Variants in GPR158 observed in about 807,000 individuals in gnomAD.
GPR158 encodes G protein-coupled receptor 158.
In GPR158, 30 loss-of-function variants were observed where a neutral mutation model predicts 78.2. The ratio of observed to expected loss-of-function variants is 0.38; its 90% CI spans 0.29 to 0.52. GPR158 has a LOEUF of 0.52. Among genes scored for constraint, GPR158 ranks in the 20% least tolerant of loss-of-function variants. The probability of loss-of-function intolerance (pLI) is 0.83; values close to 1 mark genes in which losing one functional copy is unlikely to be tolerated. For synonymous variants in GPR158, 581 were observed against 591.1 expected, an observed-to-expected ratio of 0.98 and a Z score of 0.25; for missense variants, 1,463 against 1,523.5, an observed-to-expected ratio of 0.96 and a Z score of 0.66.
rs772460818 is a variant in GPR158, at chr10:25,588,835, T to C, written c.1754-172T>C. 2.0e-5 allele frequency among the ~76,000 whole-genome samples: 3 copies of C among 152,210 alleles called. No homozygotes were observed. The East Asian group carries it at 5.8e-4, about 29-fold the overall frequency. ...AGTGTACCCTTTGAAAAATATTCCA[T>C]AAACTGAATGAAATTTAAAAATATA... On this transcript the variant is annotated intron_variant, in intron 7 of 10. Coordinates refer to ENST00000376351, the MANE Select transcript of GPR158 (RefSeq NM_020752.3).
chr10:25,574,724 AAAATAC>A (rs1320179115), intron 7 of GPR158, among the ~76,000 whole-genome samples: 1 of 152,096 alleles, frequency 6.6e-6, no homozygotes, highest in Middle Eastern at 3.2e-3. Context: ...GTCTCTACTA[AAAATAC>A]AAAAATTAGC....
chr10:25,344,419 ACTCTCTT>A (rs1402118069), intron 2 of GPR158, among the ~76,000 whole-genome samples: 9 of 151,852 alleles, frequency 5.9e-5, no homozygotes, highest in East Asian at 3.9e-4. Context: ...CTTAAAATCT[ACTCTCTT>A]AGCAATGTTC....
intron 2 of GPR158, among the ~76,000 whole-genome samples, chr10:25,286,101 CTA>C (rs1208268399): frequency 1.6e-4 from 25 of 151,858 alleles, no homozygotes; most frequent in African/African-American, 5.3e-4. Context: ...TATGATATGC[CTA>C]TATGTGTGTG....
intron 3 of GPR158, among the ~76,000 whole-genome samples, chr10:25,408,792 G>A (rs534678828): frequency 6.6e-6 from 1 of 151,902 alleles, no homozygotes; most frequent in Non-Finnish European, 1.5e-5. Flanking sequence ...TACCCATTGC[G>A]ATCACCATGT....
intron 5 of GPR158, among the ~76,000 whole-genome samples, chr10:25,481,240 G>T (rs1835660605): frequency 6.6e-6 from 1 of 152,100 alleles, no homozygotes; most frequent in South Asian, 2.1e-4. Context: ...TTCCTGCTGG[G>T]AGTTCCAGTT....
At chr10:25,572,936 A>G (rs915472837) in intron 7 of GPR158, 49 bp downstream of exon 7, 1 of 1,061,168 alleles carries the variant, frequency 9.4e-7, no homozygotes, top group Non-Finnish European at 1.5e-6. Flanking sequence ...TTTCAGTAGC[A>G]TTACAACTGA....
chr10:25,572,872 T>C lies in GPR158; in HGVS notation c.1738T>C (p.Tyr580His). The C allele has an allele frequency of 6.3e-7, 1 of 1,591,494 alleles. No homozygotes were observed. The highest frequency in any genetic ancestry group is 8.6e-7 in the Non-Finnish European group (1 of 1,159,380). ...TATGTGCCTCATTGACCGCTGGGAC[T>C]ACATGACAGCAGTTGGTATGTGGTC... Reference protein sequence around the residue: ...FNMCLIDRWDYMTAVAEFLFL... With the variant: ...FNMCLIDRWDHMTAVAEFLFL... Residue 580 changes from tyrosine (Y) to histidine (H), a missense_variant, in exon 7 of 11, where the codon TAC becomes CAC. Coordinates refer to ENST00000376351, the MANE Select transcript of GPR158 (RefSeq NM_020752.3).
chr10:25,483,321 C>G (rs1835684753), intron 5 of GPR158, among the ~76,000 whole-genome samples: 1 of 152,060 alleles, frequency 6.6e-6, no homozygotes, highest in African/African-American at 2.4e-5. Flanking sequence ...TGTTCTCAAA[C>G]CGACCAGGCA....
chr10:25,426,418 A>G (rs944568046), intron 4 of GPR158, among the ~76,000 whole-genome samples: 1 of 152,140 alleles, frequency 6.6e-6, no homozygotes, highest in African/African-American at 2.4e-5. Context: ...TCAGCTTTCG[A>G]TATGCCTCCC....
chr10:25,212,794 G>A (rs1245445018), intron 1 of GPR158, among the ~76,000 whole-genome samples: 1 of 151,814 alleles, frequency 6.6e-6, no homozygotes, highest in Non-Finnish European at 1.5e-5. Flanking sequence ...ACCATGTCCA[G>A]CTAATTTTTG....
At chr10:25,499,565 G>A (rs748867149) in intron 5 of GPR158, among the ~76,000 whole-genome samples, 46 of 152,236 alleles carry the variant, frequency 3.0e-4, no homozygotes, top group Non-Finnish European at 5.4e-4. Context: ...TTGCTCTCAT[G>A]AAGCTGATAT....
At chr10:25,515,441 C>T (rs1245446061) in intron 5 of GPR158, among the ~76,000 whole-genome samples, 2 of 149,150 alleles carry the variant, frequency 1.3e-5, no homozygotes, top group Non-Finnish European at 3.0e-5. Context: ...CATATGTATA[C>T]ATGTGCCATG....
intron 2 of GPR158, among the ~76,000 whole-genome samples, chr10:25,241,409 C>CTCTTCTCTTTTCTTT (rs1302467821): frequency 7.4e-5 from 8 of 108,152 alleles, no homozygotes; most frequent in South Asian, 2.6e-4. Context: ...CTCTTCTCTT[C>CTCTTCTCTTTTCTTT]TCTTTTCTTT....
intron 2 of GPR158, among the ~76,000 whole-genome samples, chr10:25,311,673 T>A (rs1185534655): frequency 2.0e-5 from 3 of 152,030 alleles, no homozygotes; most frequent in Admixed American, 6.6e-5. Context: ...AAGACTTCCT[T>A]TATATGCTTA....
At chr10:25,434,440 G>A (rs190066351) in intron 4 of GPR158, among the ~76,000 whole-genome samples, 67 of 152,146 alleles carry the variant, frequency 4.4e-4, no homozygotes, top group African/African-American at 1.6e-3. Context: ...CTTGCTATTT[G>A]AAAAATATTA....
intron 3 of GPR158, among the ~76,000 whole-genome samples, chr10:25,405,457 A>G (rs1368322627): frequency 8.4e-6 from 1 of 118,444 alleles, no homozygotes; most frequent in South Asian, 2.7e-4. Context: ...TTCTGTAATT[A>G]TTAGTTGAAT....
intron 2 of GPR158, among the ~76,000 whole-genome samples, chr10:25,394,195 A>G (rs1388661985): frequency 6.6e-6 from 1 of 152,162 alleles, no homozygotes; most frequent in African/African-American, 2.4e-5. Flanking sequence ...TATTTAACCC[A>G]TTAGGCCATC....
chr10:25,467,163 T>C (rs1287944534), intron 5 of GPR158, among the ~76,000 whole-genome samples: 3 of 152,254 alleles, frequency 2.0e-5, no homozygotes, highest in South Asian at 2.1e-4. Flanking sequence ...TTCCAGACTA[T>C]AGGTAAATTT....
At chr10:25,283,408 A>G (rs1854303152) in intron 2 of GPR158, among the ~76,000 whole-genome samples, 1 of 151,980 alleles carries the variant, frequency 6.6e-6, no homozygotes, top group Admixed American at 6.6e-5. Flanking sequence ...AATTTATTAA[A>G]CCATTTATGC....
Sources: gnomAD v4.1 joint callset for allele counts (sites outside exome capture counted in the v4.1 genomes callset) on GRCh38, gnomAD v4.1.1 for gene constraint, MANE v1.5 for transcripts, NCBI Gene and HGNC (gene_info 2026-07-23, HGNC 2026-07-21) for gene names.